Variants in CES1 observed in about 807,000 individuals in gnomAD.
The protein encoded by CES1 is liver carboxylesterase 1.
A neutral mutation model predicts 53.0 loss-of-function variants in CES1; 50 were observed. The ratio of observed to expected loss-of-function variants is 0.94; its 90% CI spans 0.75 to 1.19. The LOEUF is 1.19. Ranked by LOEUF, CES1 falls within the 50% of genes most tolerant of loss-of-function variation. The pLI is 0.00. For missense variants in CES1, 534 were observed against 538.0 expected (o/e 0.99, Z 0.07); for synonymous variants, 202 against 210.1 (o/e 0.96, Z 0.33).
At chr16:55,832,849 C>G (rs1213276202) in intron 1 of CES1, among the ~76,000 whole-genome samples, 155 bp downstream of exon 1, 2 of 152,250 alleles carry the variant, frequency 1.3e-5, no homozygotes, top group African/African-American at 4.8e-5. Flanking sequence ...GCTGGCCGGG[C>G]TCAGCTGCTC....
In CES1 at chr16:55,816,939, C is replaced by A. The variant is rs2031969973; in HGVS notation, c.930G>T (p.Gln310His). Residue 310 changes from glutamine (Q) to histidine (H), a missense_variant, in exon 8 of 14, where the codon CAG becomes CAT. Physicochemically the swap from Gln to His is conservative, Grantham distance 24. Around this residue, in one of 5 missense-constraint regions of CES1, gnomAD observed 269 missense variants for 206.6 expected, o/e 1.30. Coordinates refer to ENST00000360526, the MANE Select transcript of CES1 (RefSeq NM_001025195.2). ...LKMKFLSLDL[Q>H]GDPRESQPLL... ...AGGTCCTTACCTCTCTGGGGTCTCC[C>A]TGTAAGTCCAGAGATAAGAATTTCT... The A allele has an allele frequency of 6.2e-7, 1 of 1,613,996 alleles. No homozygotes were observed. Among genetic ancestry groups the A allele is most frequent in the African/African-American group, 1.3e-5 (1 of 74,908 alleles).
In CES1 at chr16:55,818,316, C is replaced by G. The variant is rs138315004; in HGVS notation, c.906+1219G>C. On this transcript the variant is annotated intron_variant, in intron 7 of 13. Coordinates refer to ENST00000360526, the MANE Select transcript of CES1 (RefSeq NM_001025195.2). The stretch of plus-strand genomic sequence containing the variant: ...CCCAAGTCCTAATATGTGAGGATGG[C>G]AGGGAGCAGGGAAGGCAGAAGATAC... Among the ~76,000 whole-genome samples the G allele has an allele frequency of 7.8e-4, 119 of 152,324 alleles. 1 individual carries two copies. Among genetic ancestry groups the G allele is most frequent in the African/African-American group, 2.8e-3 (116 of 41,550 alleles).
chr16:55,814,952 G>A (rs771189299), intron 8 of CES1, among the ~76,000 whole-genome samples: 59 of 152,252 alleles, frequency 3.9e-4, no homozygotes, highest in Non-Finnish European at 4.7e-4. Flanking sequence ...GCTGCTGTGG[G>A]AGGCCAGCAA....
At chr16:55,827,468 G>T (rs1208263394) in intron 2 of CES1, among the ~76,000 whole-genome samples, 1 of 152,020 alleles carries the variant, frequency 6.6e-6, no homozygotes, top group Non-Finnish European at 1.5e-5. Flanking sequence ...TCTGCCAAAT[G>T]GAGATGTTCA....
chr16:55,825,220 C>G (rs1183541899), intron 3 of CES1, among the ~76,000 whole-genome samples: 1 of 151,878 alleles, frequency 6.6e-6, no homozygotes, highest in Non-Finnish European at 1.5e-5. Context: ...ATGAGTAAAC[C>G]TTTCTCTCAC....
At position 55,815,454 on chromosome 16, in the gene CES1, G is replaced by A. The variant is rs181883193; in HGVS notation, c.945+1470C>T. On this transcript the variant is annotated intron_variant, in intron 8 of 13. Transcript: ENST00000360526. ...CAAGAGACGGGAGCACCTCAGTTGG[G>A]TGACAGCCATGCTGGAAGACTGCCA... 3.5e-4 allele frequency among the ~76,000 whole-genome samples: 53 copies of A among 152,328 alleles called. No homozygotes were observed. The South Asian group carries it at 3.7e-3, about 11-fold the overall frequency.
chr16:55,822,362 C>G (rs1358104256), intron 4 of CES1, among the ~76,000 whole-genome samples: 1 of 152,214 alleles, frequency 6.6e-6, no homozygotes, highest in Admixed American at 6.5e-5. Context: ...GGAAGAGGTG[C>G]AAAGTAGGGG....
intron 6 of CES1, 92 bp downstream of exon 6, chr16:55,820,280 A>T (rs1359896624): frequency 2.4e-6 from 2 of 824,798 alleles, no homozygotes; most frequent in Non-Finnish European, 4.0e-6. Flanking sequence ...CATTAGCTAC[A>T]ACCGACCACA....
chr16:55,828,038 T>C (rs539700543), intron 2 of CES1: 1 of 152,696 alleles, frequency 6.5e-6, no homozygotes, highest in South Asian at 2.1e-4. Flanking sequence ...GTAAACATTA[T>C]TTTTTAAAAA....
chr16:55,830,348 G>A (rs1395703491), intron 1 of CES1, among the ~76,000 whole-genome samples: 1 of 152,000 alleles, frequency 6.6e-6, no homozygotes, highest in Non-Finnish European at 1.5e-5. Context: ...AATGGGTGGT[G>A]GCATTACATG....
rs369120332 is a variant in CES1 at position 55,809,372 on chromosome 16, C to T, written c.1318+1145G>A. On this transcript the variant is annotated intron_variant, in intron 11 of 13. Coordinates refer to ENST00000360526, the MANE Select transcript of CES1 (RefSeq NM_001025195.2). ...AGGGCACCTGCTAGTTAAGCGTTAG[C>T]TAGTTTTTATCATGCTTATGAAGTT... Among the ~76,000 whole-genome samples, 245 of 152,318 alleles carry T rather than the reference C, an allele frequency of 1.6e-3. 2 individuals are homozygous for T. In the South Asian group the frequency reaches 0.047, roughly 29 times the overall value.
chr16:55,808,842 C>T (rs1379052848), intron 11 of CES1, among the ~76,000 whole-genome samples: 1 of 151,842 alleles, frequency 6.6e-6, no homozygotes, highest in East Asian at 1.9e-4. Flanking sequence ...GTTCTATGAA[C>T]AAAAGTAAAA....
chr16:55,810,690 C>T (rs753309274), intron 10 of CES1, 26 bp from the exon 11 acceptor site: 2 of 1,613,834 alleles, frequency 1.2e-6, no homozygotes, highest in Non-Finnish European at 1.7e-6. Flanking sequence ...AAGTGACCAC[C>T]AGCCCCGGGT....
At chr16:55,824,492 T>C (rs1435500732) in intron 3 of CES1, among the ~76,000 whole-genome samples, 1 of 152,156 alleles carries the variant, frequency 6.6e-6, no homozygotes, top group Admixed American at 6.5e-5. Flanking sequence ...CACAGTAAAA[T>C]AAACTATACA....
chr16:55,826,741 T>G (rs2032433274), intron 2 of CES1, among the ~76,000 whole-genome samples: 1 of 152,160 alleles, frequency 6.6e-6, no homozygotes, highest in African/African-American at 2.4e-5. Context: ...CAGGTCTAAG[T>G]GAGCGGAGTG....
chr16:55,815,423 T>C (rs1269039567), intron 8 of CES1, among the ~76,000 whole-genome samples: 1 of 152,170 alleles, frequency 6.6e-6, no homozygotes, highest in Non-Finnish European at 1.5e-5. Context: ...AGGCTAAAAG[T>C]TGAGGCAAGA....
chr16:55,813,088 C>G, intron 8 of CES1, 45 bp from the exon 9 acceptor site: 1 of 1,612,254 alleles, frequency 6.2e-7, no homozygotes, highest in African/African-American at 1.3e-5. Context: ...TCCCTAGTCA[C>G]ACCCATGTCC....
intron 8 of CES1, 102 bp downstream of exon 8, chr16:55,816,822 G>T: frequency 7.4e-7 from 1 of 1,358,362 alleles, no homozygotes; most frequent in Non-Finnish European, 1.1e-6. Flanking sequence ...ACACGCAGGA[G>T]TTACTATAAT....
At chr16:55,815,548 C>T (rs186091104) in intron 8 of CES1, among the ~76,000 whole-genome samples, 4 of 152,314 alleles carry the variant, frequency 2.6e-5, no homozygotes, top group Admixed American at 2.0e-4. Flanking sequence ...TGGGCACAAC[C>T]TTGTTGTGTC....
Sources: allele counts gnomAD v4.1 joint callset (sites outside exome capture counted in the v4.1 genomes callset), GRCh38; gene constraint gnomAD v4.1.1; regional missense constraint gnomAD v4.1.1; transcripts MANE v1.5; gene names NCBI Gene and HGNC (gene_info 2026-07-23, HGNC 2026-07-21).